CAMK2D: variants seen among roughly 807,000 people sequenced by gnomAD.
The protein encoded by CAMK2D is calcium/calmodulin dependent protein kinase II delta.
In CAMK2D, 37 loss-of-function variants were observed where a neutral mutation model predicts 84.0. That is an observed-to-expected ratio of 0.44 (90% CI 0.34 to 0.58). The LOEUF (loss-of-function observed/expected upper bound fraction) is 0.58, where lower values mean the gene tolerates loss of function less well. Among genes scored for constraint, CAMK2D ranks in the 20% least tolerant of loss-of-function variants. The pLI is 0.02. For missense variants in CAMK2D, 448 were observed against 652.5 expected (o/e 0.69, Z 3.41); for synonymous variants, 202 against 212.5 (o/e 0.95, Z 0.43).
chr4:113,475,348 A>C (rs937064534), intron 16 of CAMK2D, among the ~76,000 whole-genome samples: 2 of 152,164 alleles, frequency 1.3e-5, no homozygotes, highest in African/African-American at 4.8e-5. Flanking sequence ...ACAAACAAAC[A>C]AACAAACAAA....
At chr4:113,729,383 AGTTAT>A (rs1376968119) in intron 2 of CAMK2D, among the ~76,000 whole-genome samples, 1 of 152,190 alleles carries the variant, frequency 6.6e-6, no homozygotes, top group Non-Finnish European at 1.5e-5. Flanking sequence ...ATCCAATTTC[AGTTAT>A]GCTCTTCCAC....
intron 14 of CAMK2D, among the ~76,000 whole-genome samples, chr4:113,503,814 G>A (rs2154153054): frequency 6.6e-6 from 1 of 152,230 alleles, no homozygotes; most frequent in South Asian, 2.1e-4. Context: ...AATAACTGAT[G>A]TAAAAAAAGA....
intron 2 of CAMK2D, among the ~76,000 whole-genome samples, chr4:113,707,863 G>A (rs1386490429): frequency 6.6e-6 from 1 of 152,126 alleles, no homozygotes; most frequent in Non-Finnish European, 1.5e-5. Context: ...TAAGTGCTGT[G>A]ATAATAAAAA....
At chr4:113,570,719 G>T (rs1384507396) in intron 4 of CAMK2D, among the ~76,000 whole-genome samples, 1 of 152,106 alleles carries the variant, frequency 6.6e-6, no homozygotes, top group Non-Finnish European at 1.5e-5. Context: ...CGGGGAGAAA[G>T]CTCCTTGACA....
At chr4:113,709,757 A>ATATATATG (rs2099484681) in intron 2 of CAMK2D, among the ~76,000 whole-genome samples, 2 of 103,770 alleles carry the variant, frequency 1.9e-5, no homozygotes, top group Non-Finnish European at 3.8e-5. Flanking sequence ...ATATATATAT[A>ATATATATG]TATATATATA....
chr4:113,464,007 A>C (rs930049921), intron 17 of CAMK2D, among the ~76,000 whole-genome samples: 2 of 152,228 alleles, frequency 1.3e-5, no homozygotes, highest in African/African-American at 4.8e-5. Context: ...TCAGGTATAT[A>C]ATAACAGATT....
intron 6 of CAMK2D, among the ~76,000 whole-genome samples, chr4:113,542,714 CA>C (rs35129999): frequency 0.048 from 6,517 of 136,478 alleles, 416 homozygotes; most frequent in African/African-American, 0.15. Context: ...GATTCCGTCT[CA>C]AAAAAAAAAA....
At chr4:113,750,079 C>T (rs2099613715) in intron 2 of CAMK2D, among the ~76,000 whole-genome samples, 1 of 152,148 alleles carries the variant, frequency 6.6e-6, no homozygotes. Flanking sequence ...TAAGAAATGT[C>T]ACCAAATGCC....
chr4:113,722,407 G>T (rs1221897735), intron 2 of CAMK2D, among the ~76,000 whole-genome samples: 1 of 152,100 alleles, frequency 6.6e-6, no homozygotes, highest in Non-Finnish European at 1.5e-5. Context: ...TTATTGCTGG[G>T]TCTCAAAAAT....
At chr4:113,695,870 T>TA (rs1413784936) in intron 2 of CAMK2D, among the ~76,000 whole-genome samples, 1 of 152,116 alleles carries the variant, frequency 6.6e-6, no homozygotes, top group Non-Finnish European at 1.5e-5. Flanking sequence ...GTGTAAATGA[T>TA]ACAGCTCTTG....
intron 2 of CAMK2D, among the ~76,000 whole-genome samples, chr4:113,671,753 G>A (rs533998170): frequency 6.6e-6 from 1 of 152,308 alleles, no homozygotes; most frequent in African/African-American, 2.4e-5. Flanking sequence ...ATGAGATAAC[G>A]ATGTTGACAC....
At chr4:113,487,866 G>A (rs952334402) in intron 16 of CAMK2D, among the ~76,000 whole-genome samples, 2 of 151,840 alleles carry the variant, frequency 1.3e-5, no homozygotes, top group Non-Finnish European at 2.9e-5. Flanking sequence ...TTTATATAAA[G>A]AGATCTTACA....
At chr4:113,546,118 T>C (rs1325319142) in intron 6 of CAMK2D, among the ~76,000 whole-genome samples, 2 of 152,206 alleles carry the variant, frequency 1.3e-5, no homozygotes, top group Admixed American at 6.5e-5. Flanking sequence ...AGTCCACTTA[T>C]GGTTATATAA....
rs77159006 is a variant in CAMK2D, at chr4:113,501,331, A to G, written c.1087-820T>C. Among the ~76,000 whole-genome samples the G allele has an allele frequency of 4.9e-3, 723 of 146,522 alleles. 18 individuals carry two copies. In the East Asian group the frequency reaches 0.09, roughly 18 times the overall value. On this transcript the variant is annotated intron_variant, in intron 15 of 20. Coordinates refer to ENST00000511664, the MANE Select transcript of CAMK2D (RefSeq NM_001321571.2). ...AATGGTGTGATAAATGTGCTCATTA[A>G]TAATGTATGAGTAAAATATTTTCTA...
chr4:113,659,506 A>C (rs1364730920), intron 3 of CAMK2D, among the ~76,000 whole-genome samples: 1 of 152,216 alleles, frequency 6.6e-6, no homozygotes, highest in African/African-American at 2.4e-5. Context: ...CCCTAATCCA[A>C]TATGACTGGT....
At chr4:113,488,347 T>C (rs1246721963) in intron 16 of CAMK2D, among the ~76,000 whole-genome samples, 1 of 152,196 alleles carries the variant, frequency 6.6e-6, no homozygotes, top group Non-Finnish European at 1.5e-5. Flanking sequence ...CATAAAGTAA[T>C]ATCTATGAAT....
intron 2 of CAMK2D, among the ~76,000 whole-genome samples, chr4:113,727,859 C>G (rs1235717365): frequency 6.6e-6 from 1 of 152,080 alleles, no homozygotes; most frequent in Non-Finnish European, 1.5e-5. Flanking sequence ...GGGCAAAAGT[C>G]TTAAATACTT....
chr4:113,579,370 TG>T (rs2098798132), intron 4 of CAMK2D, among the ~76,000 whole-genome samples: 1 of 152,204 alleles, frequency 6.6e-6, no homozygotes, highest in Middle Eastern at 3.2e-3. Context: ...TTTGGATATT[TG>T]TTCTCATCAA....
intron 4 of CAMK2D, among the ~76,000 whole-genome samples, chr4:113,587,414 C>A (rs1279399569): frequency 1.3e-5 from 2 of 152,180 alleles, no homozygotes; most frequent in African/African-American, 4.8e-5. Context: ...TGGCTTTTTA[C>A]TCTTAGGTCT....
Sources: allele counts gnomAD v4.1 joint callset (sites outside exome capture counted in the v4.1 genomes callset), GRCh38; gene constraint gnomAD v4.1.1; transcripts MANE v1.5; gene names NCBI Gene and HGNC (gene_info 2026-07-23, HGNC 2026-07-21).